Variants in CRLF1 observed in about 807,000 individuals in gnomAD.
CRLF1 encodes cytokine receptor like factor 1, also known as cytokine receptor-like factor 1.
In CRLF1, 36 loss-of-function variants were observed where a neutral mutation model predicts 48.9. That is an observed-to-expected ratio of 0.74 (90% CI 0.56 to 0.97). The LOEUF (loss-of-function observed/expected upper bound fraction) is 0.97. CRLF1 is among the 50% of genes least tolerant of loss of function. The probability of loss-of-function intolerance (pLI) is 0.00; values close to 1 mark genes in which losing one functional copy is unlikely to be tolerated. For missense variants in CRLF1, 534 were observed against 575.1 expected, an observed-to-expected ratio of 0.93 and a Z score of 0.73; for synonymous variants, 256 against 253.4, an observed-to-expected ratio of 1.01 and a Z score of -0.10.
chr19:18,606,489 G>A lies in CRLF1; in HGVS notation c.115+53C>T, dbSNP rs1416146342. 1.5e-5 allele frequency: 17 copies of A among 1,108,692 alleles called. No homozygotes were observed. The highest frequency in any genetic ancestry group is 1.8e-5 in the Non-Finnish European group (16 of 908,754). The allele number at this position is 1,108,692 out of a possible 1,614,324, so 68.7% of individuals were successfully genotyped here. A position where few individuals can be genotyped will look rare whatever the true frequency, so the allele number is the denominator to read the frequency against. On this transcript the variant is annotated intron_variant, in intron 1 of 8. Coordinates refer to ENST00000392386, the MANE Select transcript of CRLF1 (RefSeq NM_004750.5). The surrounding 1 kb of genome is among the most constrained non-coding windows in gnomAD (Gnocchi z 4.8). Reference sequence around the variant, plus strand: ...CCCTCCCCCCGCGGCTGCCCCCGGGGCGCCCGCCCTCTGCTCTGGCAGGGG... The same window carrying A: ...CCCTCCCCCCGCGGCTGCCCCCGGGACGCCCGCCCTCTGCTCTGGCAGGGG...
chr19:18,598,343 A>T (rs938578933), intron 4 of CRLF1, 89 bp downstream of exon 4: 142 of 1,451,302 alleles, frequency 9.8e-5, no homozygotes, highest in Non-Finnish European at 1.8e-5. Context: ...GGACCCTAGG[A>T]AAAATGAGAA....
rs768303738 is a variant in CRLF1 at position 18,596,712 on chromosome 19, G to A, written c.934C>T (p.Arg312Cys). 5 of 1,614,100 alleles carry A rather than the reference G, an allele frequency of 3.1e-6. No individual in the cohort carries two copies. The highest frequency in any genetic ancestry group is 1.7e-5 in the Admixed American group (1 of 60,018). ...CCATAGATGCCAAAGGGGTTGCAGC[G>A]CACTTGCACGAAGTACACGGTGCCG... is the stretch of plus-strand genomic sequence containing the variant. Reference protein sequence around the residue: ...KPGTVYFVQVRCNPFGIYGSK... With the variant: ...KPGTVYFVQVCCNPFGIYGSK... The change falls in exon 6 of 9, where the codon CGC (arginine) becomes TGC (cysteine). Residue 312 changes from arginine to cysteine, a missense_variant. Arg to Cys is a radical substitution (Grantham distance 180). Coordinates refer to ENST00000392386, the MANE Select transcript of CRLF1 (RefSeq NM_004750.5).
chr19:18,599,765 G>A lies in CRLF1; in HGVS notation c.197C>T (p.Pro66Leu). The A allele has an allele frequency of 1.3e-6, 2 of 1,597,656 alleles. No individual in the cohort carries two copies. Among genetic ancestry groups the A allele is most frequent in the East Asian group, 2.3e-5 (1 of 44,348 alleles). Reference protein sequence around the residue: ...LLATCSVHGDPPGATAEGLYW... With the variant: ...LLATCSVHGDLPGATAEGLYW... Reference sequence around the variant, plus strand: ...GAGGCCCTCGGCGGTGGCTCCTGGTGGGTCTCCGTGCACTGAGCAGGTGGC... The same window carrying A: ...GAGGCCCTCGGCGGTGGCTCCTGGTAGGTCTCCGTGCACTGAGCAGGTGGC... Residue 66 changes from proline (P) to leucine (L), a missense_variant, in exon 2 of 9, where the codon CCA (proline) becomes CTA (leucine). Coordinates refer to ENST00000392386, the MANE Select transcript of CRLF1 (RefSeq NM_004750.5).
chr19:18,605,765 T>C (rs2145338684), intron 1 of CRLF1, among the ~76,000 whole-genome samples: 1 of 152,036 alleles, frequency 6.6e-6, no homozygotes, highest in African/African-American at 2.4e-5. Context: ...AGGCCAGAAG[T>C]CCCTCCAGGG....
chr19:18,593,716 T>G, intron 8 of CRLF1, 137 bp from the exon 9 acceptor site: 1 of 1,524,174 alleles, frequency 6.6e-7, no homozygotes, highest in Non-Finnish European at 8.8e-7. Flanking sequence ...CCTGCCCCTC[T>G]CCGGGCCTTG....
In CRLF1 at chr19:18,606,664, G is replaced by A. The variant is rs1256985817; in HGVS notation, c.-8C>T. ...CCGGCGGCCGGCGGGCATGGGGCCG[G>A]CGCTGCCGGGGGCGCGCGGCGGGCT... On this transcript the variant is annotated 5_prime_UTR_variant, in exon 1 of 9. Transcript: ENST00000392386. This position sits in a 1 kb window ranked among gnomAD's most constrained non-coding sequence, Gnocchi z 4.8. 4.6e-6 allele frequency: 3 copies of A among 651,876 alleles called. No homozygotes were observed. The highest frequency in any genetic ancestry group is 5.7e-6 in the Non-Finnish European group (3 of 528,792). The allele number at this position is 651,876 out of a possible 1,614,324, so 40.4% of individuals were successfully genotyped here.
At chr19:18,599,111 T>C in intron 2 of CRLF1, 1 of 985,312 alleles carries the variant, frequency 1.0e-6, no homozygotes, top group Non-Finnish European at 1.2e-6. Flanking sequence ...CTCCGGGTTC[T>C]TTTTCTTTTT....
At chr19:18,599,038 T>C in intron 2 of CRLF1, 137 bp from the exon 3 acceptor site, 1 of 1,509,944 alleles carries the variant, frequency 6.6e-7, no homozygotes, top group Non-Finnish European at 8.8e-7. Flanking sequence ...AGCCCTGTGC[T>C]GAGAAATGCC....
At chr19:18,601,167 G>T (rs1220745095) in intron 1 of CRLF1, among the ~76,000 whole-genome samples, 1 of 152,092 alleles carries the variant, frequency 6.6e-6, no homozygotes, top group Non-Finnish European at 1.5e-5. Context: ...AAAGATTGTG[G>T]GTTCTTCCTG....
At chr19:18,604,333 C>T (rs1019931621) in intron 1 of CRLF1, among the ~76,000 whole-genome samples, 2 of 152,224 alleles carry the variant, frequency 1.3e-5, no homozygotes, top group Non-Finnish European at 2.9e-5. Context: ...GACCAATCTC[C>T]CACCCCCTTA....
rs1403721850 is a variant in CRLF1 at position 18,598,554 on chromosome 19, G to A, written c.575C>T (p.Pro192Leu). 4 of 1,614,052 alleles carry A rather than the reference G, an allele frequency of 2.5e-6. No individual in the cohort carries two copies. The Admixed American group carries it at 5.0e-5, about 20-fold the overall frequency. ...GTCCTTGGGGATGTGGCAGGAGTGG[G>A]GCCCCACTGTGTGGTACTCCTCACA... ...NTCEEYHTVGPHSCHIPKDLA... is the reference protein window; with the variant it reads ...NTCEEYHTVGLHSCHIPKDLA... Residue 192 changes from proline (P) to leucine (L), a missense_variant, in exon 4 of 9, where the codon CCC becomes CTC. Physicochemically the swap from Pro to Leu is moderately conservative, Grantham distance 98. Coordinates refer to ENST00000392386, the MANE Select transcript of CRLF1 (RefSeq NM_004750.5).
At chr19:18,604,330 C>T (rs1288326803) in intron 1 of CRLF1, among the ~76,000 whole-genome samples, 4 of 152,200 alleles carry the variant, frequency 2.6e-5, no homozygotes, top group Non-Finnish European at 5.9e-5. Context: ...ACAGACCAAT[C>T]TCCCACCCCC....
At chr19:18,593,643 C>T in intron 8 of CRLF1, 64 bp from the exon 9 acceptor site, 1 of 1,562,042 alleles carries the variant, frequency 6.4e-7, no homozygotes, top group South Asian at 1.2e-5. Flanking sequence ...CACAGAGCCA[C>T]TGAAGGAGGC....
intron 4 of CRLF1, 31 bp from the exon 5 acceptor site, chr19:18,597,080 TG>T: frequency 1.2e-6 from 2 of 1,600,948 alleles, no homozygotes; most frequent in Non-Finnish European, 1.7e-6. Context: ...CCTCTCAGCC[TG>T]GGACTGTCTG....
chr19:18,596,739 G>A lies in CRLF1; in HGVS notation c.907C>T (p.Pro303Ser). The change falls in exon 6 of 9, where the codon CCC (proline) becomes TCC (serine). Residue 303 changes from proline (P) to serine (S), a missense_variant. Coordinates refer to ENST00000392386, the MANE Select transcript of CRLF1 (RefSeq NM_004750.5). ...QTSCRLAGLK[P>S]GTVYFVQVRC... The stretch of plus-strand genomic sequence containing the variant: ...ACTTGCACGAAGTACACGGTGCCGG[G>A]TTTCAGGCCGGCCAGGCGGCAGGAG... 1 of 1,614,126 alleles carries A rather than the reference G, an allele frequency of 6.2e-7. No individual in the cohort carries two copies. Among genetic ancestry groups the A allele is most frequent in the South Asian group, 1.1e-5 (1 of 91,082 alleles).
In CRLF1 at chr19:18,599,699, G is replaced by A; in HGVS notation, c.263C>T (p.Ser88Phe). ...CAAGGTGGAGGCGTTGAGTACACGG[G>A]AGAGCTCAGGGGGCAGGCGGCGCCC... is the stretch of plus-strand genomic sequence containing the variant. ...LNGRRLPPELSRVLNASTLAL... is the reference protein window; with the variant it reads ...LNGRRLPPELFRVLNASTLAL... The change falls in exon 2 of 9, where the codon TCC becomes TTC. Residue 88 changes from serine to phenylalanine, a missense_variant. Coordinates refer to ENST00000392386, the MANE Select transcript of CRLF1 (RefSeq NM_004750.5). The A allele has an allele frequency of 6.2e-7, 1 of 1,611,990 alleles. No homozygotes were observed.
At chr19:18,601,486 A>G (rs1287148055) in intron 1 of CRLF1, among the ~76,000 whole-genome samples, 1 of 152,146 alleles carries the variant, frequency 6.6e-6, no homozygotes, top group Non-Finnish European at 1.5e-5. Flanking sequence ...CGTGCTGGTC[A>G]GGCTGGTTTC....
At chr19:18,601,667 G>C (rs1002204138) in intron 1 of CRLF1, among the ~76,000 whole-genome samples, 1 of 152,214 alleles carries the variant, frequency 6.6e-6, no homozygotes, top group Non-Finnish European at 1.5e-5. Flanking sequence ...GCCTCCCGAA[G>C]TGCTGGGATG....
In CRLF1 at chr19:18,606,707, G is replaced by GCGCAGGGCGCGGGA. The variant is rs1976302829; in HGVS notation, c.-65_-52dup. On this transcript the variant is annotated 5_prime_UTR_variant, in exon 1 of 9. Coordinates refer to ENST00000392386, the MANE Select transcript of CRLF1 (RefSeq NM_004750.5). The surrounding 1 kb of genome is among the most constrained non-coding windows in gnomAD (Gnocchi z 4.8). Reference sequence around the variant, plus strand: ...GGCGGGCTGCGGCTCGGCGGCGGTGGCGCAGGGCGCGGGACGCAGGCCGGG... The same window carrying GCGCAGGGCGCGGGA: ...GGCGGGCTGCGGCTCGGCGGCGGTGGCGCAGGGCGCGGGACGCAGGGCGCGGGACGCAGGCCGGG... 3.7e-6 allele frequency: 1 copy of GCGCAGGGCGCGGGA among 272,242 alleles called. No individual in the cohort carries two copies. Among genetic ancestry groups the GCGCAGGGCGCGGGA allele is most frequent in the African/African-American group, 2.3e-5 (1 of 42,806 alleles). The allele number at this position is 272,242 out of a possible 1,614,324, so 16.9% of individuals were successfully genotyped here.
Sources: allele counts gnomAD v4.1 joint callset (sites outside exome capture counted in the v4.1 genomes callset), GRCh38; gene constraint gnomAD v4.1.1; non-coding constraint Gnocchi (gnomAD v3.1); transcripts MANE v1.5; gene names NCBI Gene and HGNC (gene_info 2026-07-23, HGNC 2026-07-21).